SF3B3: variants seen among roughly 807,000 people sequenced by gnomAD.
SF3B3 encodes the protein SAP 130.
In SF3B3, 33 loss-of-function variants were observed where a neutral mutation model predicts 139.2. The ratio of observed to expected loss-of-function variants is 0.24; its 90% CI spans 0.18 to 0.32. The LOEUF is 0.32. Ranked by LOEUF, SF3B3 falls within the 10% of genes least tolerant of loss-of-function variation. The probability of loss-of-function intolerance (pLI) is 1.00; values close to 1 mark genes in which losing one functional copy is unlikely to be tolerated. For synonymous variants in SF3B3, 596 were observed against 563.6 expected (o/e 1.06, Z -0.81); for missense variants, 818 against 1,509.4 (o/e 0.54, Z 7.59).
intron 11 of SF3B3, 145 bp from the exon 12 acceptor site, chr16:70,554,301 G>A: frequency 1.4e-6 from 1 of 691,226 alleles, no homozygotes; most frequent in Non-Finnish European, 2.5e-6. Flanking sequence ...TTTGCTCTGT[G>A]TGCATGTGTA....
rs373767804 is a variant in SF3B3, at chr16:70,565,286, C to T, written c.2669+16C>T. The T allele has an allele frequency of 1.1e-5, 17 of 1,614,108 alleles. No homozygotes were observed. The highest frequency in any genetic ancestry group is 1.3e-5 in the Non-Finnish European group (15 of 1,179,944). On this transcript the variant is annotated intron_variant, in intron 19 of 25. Coordinates refer to ENST00000302516, the MANE Select transcript of SF3B3 (RefSeq NM_012426.5). ...CAGCTTTTAGGTAAGCAGCCCAGGA[C>T]AGTCCAGGGTTTGGCAGGCTGGAAC...
At position 70,573,275 on chromosome 16, in the gene SF3B3, C is replaced by T. The variant is rs1402839725; in HGVS notation, c.*1462C>T. The stretch of plus-strand genomic sequence containing the variant: ...GAATTAGATTTTGAAAACCTAATTT[C>T]AGGGCTCATTTTTTCCTGTGGCCCT... On this transcript the variant is annotated 3_prime_UTR_variant, in exon 26 of 26. Transcript: ENST00000302516. 3 of 152,192 alleles carry T rather than the reference C, an allele frequency of 2.0e-5. No homozygotes were observed. Among genetic ancestry groups the T allele is most frequent in the African/African-American group, 4.8e-5 (2 of 41,446 alleles). The allele number at this position is 152,192 out of a possible 1,614,324, so 9.4% of individuals were successfully genotyped here. A position where few individuals can be genotyped will look rare whatever the true frequency, so the allele number is the denominator to read the frequency against.
intron 10 of SF3B3, 122 bp from the exon 11 acceptor site, chr16:70,548,248 A>G (rs1041431240): frequency 5.2e-6 from 4 of 767,680 alleles, no homozygotes; most frequent in Non-Finnish European, 9.0e-6. Context: ...AGGTGGTTTC[A>G]TCCTTTAAAT....
chr16:70,562,699 G>A (rs746056956), intron 17 of SF3B3, among the ~76,000 whole-genome samples: 22 of 152,084 alleles, frequency 1.4e-4, no homozygotes, highest in African/African-American at 3.9e-4. Context: ...TTAGACAATC[G>A]CTACAGATTT....
At chr16:70,567,318 G>A in intron 20 of SF3B3, 93 bp from the exon 21 acceptor site, 1 of 1,357,592 alleles carries the variant, frequency 7.4e-7, no homozygotes, top group Non-Finnish European at 1.0e-6. Flanking sequence ...TTAATGATAG[G>A]CTCCTGTGGA....
In SF3B3 at chr16:70,555,048, T is replaced by C; in HGVS notation, c.1555-3T>C. On this transcript the variant is annotated splice_polypyrimidine_tract_variant and splice_region_variant and intron_variant, in intron 12 of 25. Coordinates refer to ENST00000302516, the MANE Select transcript of SF3B3 (RefSeq NM_012426.5). The stretch of plus-strand genomic sequence containing the variant: ...TCAGGTTTCTTTCTGTTACTGACTC[T>C]AGGTCTATCCAGATGGCATTCGGCA... The C allele has an allele frequency of 6.2e-7, 1 of 1,613,864 alleles. No individual in the cohort carries two copies. Among genetic ancestry groups the C allele is most frequent in the Non-Finnish European group, 8.5e-7 (1 of 1,179,854 alleles).
chr16:70,564,448 G>A (rs1462226509), intron 18 of SF3B3, among the ~76,000 whole-genome samples: 2 of 152,146 alleles, frequency 1.3e-5, no homozygotes, highest in Non-Finnish European at 2.9e-5. Context: ...TTTAAGCAGA[G>A]GCCTTTGCCC....
intron 5 of SF3B3, among the ~76,000 whole-genome samples, chr16:70,534,793 C>T (rs759174679): frequency 1.4e-4 from 22 of 152,112 alleles, no homozygotes; most frequent in Non-Finnish European, 2.2e-4. Context: ...CTCAGCCTCC[C>T]GAGTAGCTGG....
At chr16:70,553,431 A>G (rs1192483446) in intron 11 of SF3B3, among the ~76,000 whole-genome samples, 2 of 152,124 alleles carry the variant, frequency 1.3e-5, no homozygotes, top group Non-Finnish European at 2.9e-5. Context: ...TACTGCTAGG[A>G]GTGAGTCAGC....
intron 4 of SF3B3, 122 bp from the exon 5 acceptor site, chr16:70,532,357 C>CAAAGAAAAAAA (rs377723706): frequency 1.9e-6 from 1 of 513,550 alleles, no homozygotes. Flanking sequence ...CCTGTCTCTC[C>CAAAGAAAAAAA]AAAAAAAAAA....
At chr16:70,529,915 T>G (rs1028961677) in intron 3 of SF3B3, among the ~76,000 whole-genome samples, 2 of 151,736 alleles carry the variant, frequency 1.3e-5, no homozygotes, top group Non-Finnish European at 2.9e-5. Context: ...GGAGGATCAC[T>G]TGAGGTCAGG....
At chr16:70,564,315 T>G (rs753537851) in intron 18 of SF3B3, among the ~76,000 whole-genome samples, 1 of 152,166 alleles carries the variant, frequency 6.6e-6, no homozygotes, top group Non-Finnish European at 1.5e-5. Flanking sequence ...AAGACTGCAG[T>G]GAGCCATGAT....
chr16:70,539,078 C>T, intron 7 of SF3B3, 26 bp from the exon 8 acceptor site: 1 of 1,519,436 alleles, frequency 6.6e-7, no homozygotes, highest in South Asian at 1.1e-5. Flanking sequence ...TTTGTTTGTA[C>T]ACCAGAATGT....
At chr16:70,567,602 G>A (rs762859256) in intron 21 of SF3B3, 66 bp downstream of exon 21, 13 of 1,533,616 alleles carry the variant, frequency 8.5e-6, no homozygotes, top group Middle Eastern at 1.7e-4. Context: ...TTGGTGGGGT[G>A]GTGGGCATTG....
intron 24 of SF3B3, among the ~76,000 whole-genome samples, chr16:70,570,479 C>T (rs1267881634): frequency 6.6e-6 from 1 of 151,724 alleles, no homozygotes; most frequent in Non-Finnish European, 1.5e-5. Flanking sequence ...TACAGGCGCC[C>T]GCCACCATGC....
chr16:70,523,901 A>T lies in SF3B3; in HGVS notation c.-98A>T. ...TTTGAAGGGAGGTAGCATCCGTTGGATATCCACACCATCCTTCTCGCTGCA... is the reference window on the plus strand; with the variant it reads ...TTTGAAGGGAGGTAGCATCCGTTGGTTATCCACACCATCCTTCTCGCTGCA... On this transcript the variant is annotated 5_prime_UTR_variant, in exon 1 of 26. Coordinates refer to ENST00000302516, the MANE Select transcript of SF3B3 (RefSeq NM_012426.5). 2.1e-6 allele frequency: 1 copy of T among 482,400 alleles called. No homozygotes were observed. Among genetic ancestry groups the T allele is most frequent in the Non-Finnish European group, 3.6e-6 (1 of 274,938 alleles). The allele number at this position is 482,400 out of a possible 1,614,324, so 29.9% of individuals were successfully genotyped here. A position where few individuals can be genotyped will look rare whatever the true frequency, so the allele number is the denominator to read the frequency against.
intron 9 of SF3B3, among the ~76,000 whole-genome samples, chr16:70,543,370 A>G (rs1429922797): frequency 6.7e-6 from 1 of 148,810 alleles, no homozygotes; most frequent in Non-Finnish European, 1.5e-5. Context: ...AGATCACACC[A>G]TTGTACTCCA....
At chr16:70,538,117 CTT>C (rs762264198) in intron 6 of SF3B3, 11 of 715,612 alleles carry the variant, frequency 1.5e-5, no homozygotes, top group East Asian at 5.3e-5. Context: ...AATTGGGACT[CTT>C]TTGGTTACCC....
At chr16:70,538,839 A>G (rs186107342) in intron 7 of SF3B3, among the ~76,000 whole-genome samples, 4 of 152,332 alleles carry the variant, frequency 2.6e-5, no homozygotes, top group Admixed American at 1.3e-4. Flanking sequence ...GGAATTGGCA[A>G]ACATTTTTTT....
Sources: gnomAD v4.1 joint callset for allele counts (sites outside exome capture counted in the v4.1 genomes callset) on GRCh38, gnomAD v4.1.1 for gene constraint, MANE v1.5 for transcripts, NCBI Gene and HGNC (gene_info 2026-07-23, HGNC 2026-07-21) for gene names.